Variants in EXOC6 observed in about 807,000 individuals in gnomAD.
The protein encoded by EXOC6 is exocyst complex component 6, also known as SEC15-like 1.
Under a neutral mutation model 112.5 loss-of-function variants are expected in EXOC6, and 60 were observed. The observed-to-expected ratio is 0.53, with a 90% confidence interval of 0.43 to 0.66. The LOEUF (loss-of-function observed/expected upper bound fraction) is 0.66, where lower values mean the gene tolerates loss of function less well. Among genes scored for constraint, EXOC6 ranks in the 30% least tolerant of loss-of-function variants. EXOC6 has a pLI of 0.00. For synonymous variants in EXOC6, 295 were observed against 308.0 expected (o/e 0.96, Z 0.44); for missense variants, 855 against 957.1 (o/e 0.89, Z 1.41).
intron 1 of EXOC6, among the ~76,000 whole-genome samples, chr10:92,849,124 G>T (rs917597270): frequency 6.6e-6 from 1 of 152,154 alleles, no homozygotes; most frequent in African/African-American, 2.4e-5. Flanking sequence ...GGGCGTGGGA[G>T]AATTGAAATT....
At chr10:92,872,190 A>G (rs545161980) in intron 1 of EXOC6, among the ~76,000 whole-genome samples, 16 of 152,132 alleles carry the variant, frequency 1.1e-4, no homozygotes, top group African/African-American at 3.9e-4. Flanking sequence ...ATGTTCTGAT[A>G]TATCTTCCTT....
chr10:93,047,886 C>T (rs11187259), intron 20 of EXOC6, among the ~76,000 whole-genome samples: 13,311 of 152,112 alleles, frequency 0.088, 632 homozygotes, highest in Admixed American at 0.15. Context: ...GCGGAGGTTG[C>T]AGTGAGCCAA....
At chr10:92,910,403 G>A (rs952199183) in intron 6 of EXOC6, among the ~76,000 whole-genome samples, 10 of 152,092 alleles carry the variant, frequency 6.6e-5, no homozygotes, top group East Asian at 1.9e-4. Context: ...CCATTTTTAC[G>A]TCATTCGAAA....
At chr10:92,963,715 A>G (rs1179103222) in intron 17 of EXOC6, among the ~76,000 whole-genome samples, 3 of 152,030 alleles carry the variant, frequency 2.0e-5, no homozygotes, top group Non-Finnish European at 2.9e-5. Context: ...GTTAGTGTCA[A>G]ACTCCTGGGC....
At chr10:92,915,569 T>C (rs1348959491) in intron 6 of EXOC6, among the ~76,000 whole-genome samples, 189 bp from the exon 7 acceptor site, 1 of 141,414 alleles carries the variant, frequency 7.1e-6, no homozygotes, top group Non-Finnish European at 1.5e-5. Context: ...ACCCTGATTT[T>C]TTTTTTTTTT....
chr10:92,838,553 C>G (rs998382764), intron 1 of EXOC6, among the ~76,000 whole-genome samples: 1 of 152,176 alleles, frequency 6.6e-6, no homozygotes, highest in African/African-American at 2.4e-5. Flanking sequence ...AGCTGAGACT[C>G]TATACTTTTC....
rs551874617 is a variant in EXOC6 at position 93,007,554 on chromosome 10, G to A, written c.2096-6640G>A. On this transcript the variant is annotated intron_variant, in intron 19 of 21. Coordinates refer to ENST00000260762, the MANE Select transcript of EXOC6 (RefSeq NM_019053.6). ...TATAATCCCAGCTACTCTGGAGGCC[G>A]AGGCAGGAGAATTGCTTGAACCCGG... Among the ~76,000 whole-genome samples, 7 of 152,266 alleles carry A rather than the reference G, an allele frequency of 4.6e-5. No homozygotes were observed. The South Asian group carries it at 8.3e-4, about 18-fold the overall frequency.
rs1479435349 is a variant in EXOC6, at chr10:93,059,424, A to G, written c.*1069A>G. On this transcript the variant is annotated 3_prime_UTR_variant, in exon 22 of 22. Transcript: ENST00000260762. ...TGCCTGATTCTGTAAAATAAGTGTA[A>G]AGAATTATATGTACATCTCTGGATT... The G allele has an allele frequency of 2.6e-5, 4 of 152,196 alleles. No homozygotes were observed. The highest frequency in any genetic ancestry group is 2.6e-4 in the Admixed American group (4 of 15,288). The allele number at this position is 152,196 out of a possible 1,614,324, so 9.4% of individuals were successfully genotyped here.
intron 6 of EXOC6, among the ~76,000 whole-genome samples, chr10:92,911,891 T>C (rs1391097406): frequency 1.3e-5 from 2 of 151,314 alleles, no homozygotes; most frequent in Non-Finnish European, 2.9e-5. Context: ...CCTTTCAATT[T>C]CTTGTGGGTT....
chr10:93,022,559 C>G (rs1844836128), intron 20 of EXOC6, among the ~76,000 whole-genome samples: 1 of 152,022 alleles, frequency 6.6e-6, no homozygotes, highest in Non-Finnish European at 1.5e-5. Context: ...CAACTAATTC[C>G]TTAGCTGCTA....
At chr10:92,862,506 G>A (rs937197770) in intron 1 of EXOC6, among the ~76,000 whole-genome samples, 12 of 152,138 alleles carry the variant, frequency 7.9e-5, no homozygotes, top group African/African-American at 2.9e-4. Flanking sequence ...CACCATGTGA[G>A]GATGCAGTTA....
At chr10:92,835,133 C>T (rs1846623946) in intron 1 of EXOC6, among the ~76,000 whole-genome samples, 2 of 152,118 alleles carry the variant, frequency 1.3e-5, no homozygotes, top group South Asian at 4.1e-4. Flanking sequence ...TAACATATCA[C>T]TTAGTGAAAA....
rs2134049543 is a variant in EXOC6 at position 92,963,745 on chromosome 10, A to G, written c.1773+8031A>G. On this transcript the variant is annotated intron_variant, in intron 17 of 21. Coordinates refer to ENST00000260762, the MANE Select transcript of EXOC6 (RefSeq NM_019053.6). ...CTGGGCTTAAGTGATCTCCTGCCTC[A>G]GCCTCCCAAAGTGTTGGGATTATAG... Among the ~76,000 whole-genome samples, 2 of 152,304 alleles carry G rather than the reference A, an allele frequency of 1.3e-5. 1 individual carries two copies. The highest frequency in any genetic ancestry group is 2.9e-5 in the Non-Finnish European group (2 of 68,026).
chr10:93,004,477 A>T (rs1843890438), intron 19 of EXOC6, among the ~76,000 whole-genome samples: 1 of 152,194 alleles, frequency 6.6e-6, no homozygotes, highest in Non-Finnish European at 1.5e-5. Flanking sequence ...CCTTGATCTA[A>T]ACAAAACTAA....
At chr10:92,989,482 A>C (rs1394736762) in intron 18 of EXOC6, among the ~76,000 whole-genome samples, 3 of 152,202 alleles carry the variant, frequency 2.0e-5, no homozygotes, top group East Asian at 1.9e-4. Flanking sequence ...GTGAAGGAAA[A>C]ATACAGTAAC....
intron 14 of EXOC6, among the ~76,000 whole-genome samples, chr10:92,951,968 G>A (rs1446921234): frequency 6.6e-6 from 1 of 152,152 alleles, no homozygotes; most frequent in Non-Finnish European, 1.5e-5. Flanking sequence ...GACAGCCTAG[G>A]CATTGCCTAC....
At chr10:92,946,319 G>A (rs371902038) in intron 13 of EXOC6, among the ~76,000 whole-genome samples, 3 of 151,728 alleles carry the variant, frequency 2.0e-5, no homozygotes, top group Admixed American at 6.6e-5. Context: ...GCTTGAACCC[G>A]GGAGGCTGAG....
intron 1 of EXOC6, among the ~76,000 whole-genome samples, chr10:92,866,347 T>C (rs1790920438): frequency 6.6e-6 from 1 of 152,144 alleles, no homozygotes; most frequent in Non-Finnish European, 1.5e-5. Context: ...ACATTCCTTT[T>C]ATACCTTCTT....
At chr10:92,972,501 A>G (rs1842341139) in intron 17 of EXOC6, among the ~76,000 whole-genome samples, 1 of 151,784 alleles carries the variant, frequency 6.6e-6, no homozygotes, top group Non-Finnish European at 1.5e-5. Context: ...AAAAAGGTGG[A>G]ATTTTTTTTG....
Sources: gnomAD v4.1 joint callset for allele counts (sites outside exome capture counted in the v4.1 genomes callset) on GRCh38, gnomAD v4.1.1 for gene constraint, MANE v1.5 for transcripts, NCBI Gene and HGNC (gene_info 2026-07-23, HGNC 2026-07-21) for gene names.